PDE1C: variants seen among roughly 807,000 people sequenced by gnomAD.
PDE1C encodes dual specificity calcium/calmodulin-dependent 3',5'-cyclic nucleotide phosphodiesterase 1C.
PDE1C carries 62 observed loss-of-function variants against 93.1 expected under a neutral mutation model. That is an observed-to-expected ratio of 0.67 (90% CI 0.54 to 0.82). The LOEUF (loss-of-function observed/expected upper bound fraction) is 0.82. Ranked by LOEUF, PDE1C falls within the 40% of genes least tolerant of loss-of-function variation. The probability of loss-of-function intolerance (pLI) is 0.00; values close to 1 mark genes in which losing one functional copy is unlikely to be tolerated. For missense variants in PDE1C, 742 were observed against 884.6 expected (o/e 0.84, Z 2.04); for synonymous variants, 325 against 310.1 (o/e 1.05, Z -0.50).
chr7:31,936,908 T>A (rs1039623078), intron 2 of PDE1C, among the ~76,000 whole-genome samples: 6 of 152,110 alleles, frequency 3.9e-5, no homozygotes, highest in African/African-American at 1.4e-4. Flanking sequence ...CAGCTTGCTT[T>A]TATACATTTT....
chr7:31,871,437 C>T (rs1238185364), intron 6 of PDE1C, among the ~76,000 whole-genome samples: 3 of 151,930 alleles, frequency 2.0e-5, no homozygotes, highest in Non-Finnish European at 4.4e-5. Flanking sequence ...ACCTGTTAAA[C>T]AGGAGAAATA....
intron 1 of PDE1C, among the ~76,000 whole-genome samples, chr7:32,420,124 TACACACACACACACACACACAC>T (rs1156625491): frequency 2.0e-3 from 26 of 13,076 alleles, no homozygotes; most frequent in East Asian, 6.7e-3. Flanking sequence ...TATATATATA[TACACACACACACACACACACAC>T]ACACACACAC....
At chr7:32,201,843 A>G (rs1805036062) in intron 2 of PDE1C, among the ~76,000 whole-genome samples, 2 of 152,202 alleles carry the variant, frequency 1.3e-5, no homozygotes, top group Admixed American at 6.5e-5. Context: ...TCTCTTGTTC[A>G]TCCCTTCTTA....
At chr7:32,160,888 C>G (rs1326345628) in intron 3 of PDE1C, among the ~76,000 whole-genome samples, 2 of 152,026 alleles carry the variant, frequency 1.3e-5, no homozygotes, top group African/African-American at 4.8e-5. Flanking sequence ...TGGGAGAAAG[C>G]CCCTGGCTAG....
chr7:31,826,373 C>T (rs1789668510), intron 12 of PDE1C, among the ~76,000 whole-genome samples: 1 of 152,074 alleles, frequency 6.6e-6, no homozygotes, highest in Non-Finnish European at 1.5e-5. Flanking sequence ...CAGTGATAGC[C>T]AAAAGTGTAT....
intron 2 of PDE1C, among the ~76,000 whole-genome samples, chr7:32,176,174 A>G (rs1177193751): frequency 6.6e-6 from 1 of 152,212 alleles, no homozygotes; most frequent in Non-Finnish European, 1.5e-5. Context: ...TAGCCTAACT[A>G]CATCTGAATT....
intron 1 of PDE1C, among the ~76,000 whole-genome samples, chr7:32,345,802 C>T (rs117336331): frequency 6.6e-6 from 1 of 152,092 alleles, no homozygotes; most frequent in Non-Finnish European, 1.5e-5. Flanking sequence ...CAATGAGATA[C>T]CACCACACCC....
chr7:32,115,067 G>C (rs1700838317), intron 3 of PDE1C, among the ~76,000 whole-genome samples: 1 of 152,146 alleles, frequency 6.6e-6, no homozygotes, highest in Admixed American at 6.5e-5. Flanking sequence ...GATTCCTCAA[G>C]GATCTAGAAC....
intron 2 of PDE1C, among the ~76,000 whole-genome samples, chr7:31,922,851 C>A (rs1802804740): frequency 1.3e-5 from 2 of 152,010 alleles, no homozygotes; most frequent in African/African-American, 2.4e-5. Flanking sequence ...TTTAAAAATT[C>A]TCATTACAAA....
chr7:31,733,545 GTCA>G, the PDE1C span, among the ~76,000 whole-genome samples: 1 of 152,210 alleles, frequency 6.6e-6, no homozygotes, highest in Non-Finnish European at 1.5e-5. Flanking sequence ...CAGTTATCCT[GTCA>G]TCAGAATCCA....
At chr7:31,750,665 C>G (rs112981525), downstream of PDE1C, among the ~76,000 whole-genome samples, 611 of 152,358 alleles carry the variant, frequency 4.0e-3, 3 homozygotes, top group African/African-American at 0.014. Context: ...AAACAAAAGG[C>G]AGTGTCAGGA....
At chr7:31,717,797 G>A in the PDE1C span, among the ~76,000 whole-genome samples, 1 of 151,958 alleles carries the variant, frequency 6.6e-6, no homozygotes, top group Non-Finnish European at 1.5e-5. Context: ...GGGGTCTTTA[G>A]GAGTCTATTT....
At chr7:31,893,181 G>C (rs1378685781) in intron 2 of PDE1C, among the ~76,000 whole-genome samples, 3 of 152,216 alleles carry the variant, frequency 2.0e-5, no homozygotes, top group African/African-American at 7.2e-5. Context: ...TGAAAACACA[G>C]GTCACGGAGA....
chr7:31,771,421 G>T (rs1451386312), intron 17 of PDE1C, among the ~76,000 whole-genome samples: 1 of 152,136 alleles, frequency 6.6e-6, no homozygotes, highest in African/African-American at 2.4e-5. Context: ...CCATCCTAAT[G>T]GGTGTGAAGT....
intron 16 of PDE1C, chr7:31,790,324 T>C: frequency 6.9e-7 from 1 of 1,439,104 alleles, no homozygotes; most frequent in African/African-American, 1.4e-5. Flanking sequence ...ACCTCCACCC[T>C]CCAAGTCTGA....
chr7:31,643,844 A>G, the PDE1C span: 1 of 1,613,922 alleles, frequency 6.2e-7, no homozygotes, highest in Non-Finnish European at 8.5e-7. Flanking sequence ...CCTGGCCCTG[A>G]ACCCTCAGTC....
chr7:32,247,200 A>G (rs1298185685), intron 1 of PDE1C, among the ~76,000 whole-genome samples: 1 of 152,242 alleles, frequency 6.6e-6, no homozygotes, highest in Non-Finnish European at 1.5e-5. Context: ...GAGTTCATGA[A>G]CATGGCATGT....
the PDE1C span, among the ~76,000 whole-genome samples, chr7:31,647,383 C>T: frequency 6.6e-6 from 1 of 151,964 alleles, no homozygotes; most frequent in Non-Finnish European, 1.5e-5. Context: ...AATGGGAGGC[C>T]AGGCATGGTG....
chr7:32,328,510 C>T (rs761871451), intron 1 of PDE1C, among the ~76,000 whole-genome samples: 3 of 152,258 alleles, frequency 2.0e-5, no homozygotes, highest in African/African-American at 4.8e-5. Flanking sequence ...TTACCAACCA[C>T]GCTCCATGTT....
Sources: allele counts gnomAD v4.1 joint callset (sites outside exome capture counted in the v4.1 genomes callset), GRCh38; gene constraint gnomAD v4.1.1; transcripts MANE v1.5; gene names NCBI Gene and HGNC (gene_info 2026-07-23, HGNC 2026-07-21).